DOT1L: variants seen among roughly 807,000 people sequenced by gnomAD.
DOT1L encodes the protein DOT1 like histone lysine methyltransferase.
DOT1L carries 33 observed loss-of-function variants against 153.3 expected under a neutral mutation model. The observed-to-expected ratio is 0.22, with a 90% CI of 0.16 to 0.29. The LOEUF (loss-of-function observed/expected upper bound fraction) is 0.29, where lower values mean the gene tolerates loss of function less well. Ranked by LOEUF, DOT1L falls within the 10% of genes least tolerant of loss-of-function variation. DOT1L has a pLI of 1.00. For synonymous variants in DOT1L, 1,135 were observed against 965.1 expected (o/e 1.18, Z -3.26); for missense variants, 1,847 against 2,119.9 (o/e 0.87, Z 2.53).
intron 19 of DOT1L, 76 bp from the exon 20 acceptor site, chr19:2,216,205 G>A (rs1446896197): frequency 6.7e-6 from 10 of 1,498,050 alleles, no homozygotes; most frequent in Middle Eastern, 1.8e-4. Context: ...CCCTCCGGGT[G>A]TCCATCTGTG....
Position 2,190,976 on chromosome 19 carries a change from T to C in DOT1L, c.265-36T>C. On this transcript the variant is annotated intron_variant, in intron 4 of 27. Transcript: ENST00000398665. The surrounding 1 kb of genome is among the most constrained non-coding windows in gnomAD (Gnocchi z 4.8). ...GTGGTGGAGGGGCTGGGCCGTGAGG[T>C]TTATGTGACATGGCCGGGCCACCCT... 1 of 1,546,930 alleles carries C rather than the reference T, an allele frequency of 6.5e-7. No homozygotes were observed. The highest frequency in any genetic ancestry group is 8.7e-7 in the Non-Finnish European group (1 of 1,147,974).
In DOT1L at chr19:2,191,006, C is replaced by T. The variant is rs2022771257; in HGVS notation, c.265-6C>T. The T allele has an allele frequency of 1.9e-6, 3 of 1,591,618 alleles. No individual in the cohort carries two copies. The highest frequency in any genetic ancestry group is 2.6e-6 in the Non-Finnish European group (3 of 1,172,324). ...GTGACATGGCCGGGCCACCCTCCGT[C>T]CGCAGTGGAAGGGCACCACGCAGCC... On this transcript the variant is annotated splice_region_variant and splice_polypyrimidine_tract_variant and intron_variant, in intron 4 of 27. Coordinates refer to ENST00000398665, the MANE Select transcript of DOT1L (RefSeq NM_032482.3). This position sits in a 1 kb window ranked among gnomAD's most constrained non-coding sequence, Gnocchi z 6.8.
rs1260005757 is a variant in DOT1L at position 2,232,331 on chromosome 19, G to A, written c.*2539G>A. On this transcript the variant is annotated 3_prime_UTR_variant, in exon 28 of 28. Coordinates refer to ENST00000398665, the MANE Select transcript of DOT1L (RefSeq NM_032482.3). Reference sequence around the variant, plus strand: ...GCGTCAGTCTGTTCAGTGGTCAGCAGGCCCCCCACCCCCCGCCGACTGCCC... The same window carrying A: ...GCGTCAGTCTGTTCAGTGGTCAGCAAGCCCCCCACCCCCCGCCGACTGCCC... 4.6e-6 allele frequency: 1 copy of A among 217,446 alleles called. No homozygotes were observed. Among genetic ancestry groups the A allele is most frequent in the Admixed American group, 5.8e-5 (1 of 17,192 alleles). The allele number at this position is 217,446 out of a possible 1,614,324, so 13.5% of individuals were successfully genotyped here.
In DOT1L at chr19:2,217,753, G is replaced by A. The variant is rs771741266; in HGVS notation, c.2545-19G>A. 5.7e-6 allele frequency: 9 copies of A among 1,591,140 alleles called. No homozygotes were observed. The highest frequency in any genetic ancestry group is 3.3e-4 in the Middle Eastern group (2 of 6,038). On this transcript the variant is annotated intron_variant, in intron 21 of 27. Transcript: ENST00000398665. The surrounding 1 kb of genome is among the most constrained non-coding windows in gnomAD (Gnocchi z 7.3). The stretch of plus-strand genomic sequence containing the variant: ...GGGGTTTGTTGACCCACGACTGGGG[G>A]TCGGGCCTTCGTCTGCAGGGCCTGA...
chr19:2,216,790 G>GTCTGCA lies in DOT1L; in HGVS notation c.2408+26_2408+31dup, dbSNP rs759162648. ...GGTGAGTGCCCTGGTGGGGCTGGGG[G>GTCTGCA]TCTGCAGCTGGTACCTGCCGACTCT... On this transcript the variant is annotated intron_variant, in intron 20 of 27. Coordinates refer to ENST00000398665, the MANE Select transcript of DOT1L (RefSeq NM_032482.3). 3.2e-6 allele frequency: 5 copies of GTCTGCA among 1,571,882 alleles called. No homozygotes were observed. The Admixed American group carries it at 5.1e-5, about 16-fold the overall frequency.
chr19:2,194,994 A>C (rs2022956389), intron 7 of DOT1L, among the ~76,000 whole-genome samples: 1 of 152,084 alleles, frequency 6.6e-6, no homozygotes, highest in Non-Finnish European at 1.5e-5. Context: ...ACAAGCCAGC[A>C]ACCTCGGGGT....
chr19:2,187,379 T>C (rs1198188959), intron 3 of DOT1L, among the ~76,000 whole-genome samples: 2 of 152,232 alleles, frequency 1.3e-5, no homozygotes, highest in Non-Finnish European at 2.9e-5. Context: ...TGTGGCGTCC[T>C]TCCTCTTCGC....
intron 27 of DOT1L, chr19:2,227,864 CTCTTCCTTTCAGGCCCCGGCCTCGGTT>C (rs1463126331): frequency 1.6e-6 from 2 of 1,280,784 alleles, no homozygotes; most frequent in Non-Finnish European, 1.0e-6. Context: ...GCGCCTCGGC[CTCTTCCTTTCAGGCCCCGGCCTCGGTT>C]GAGACCCGGC....
rs148899847 is a variant in DOT1L at position 2,184,546 on chromosome 19, G to A, written c.126-1309G>A. On this transcript the variant is annotated intron_variant, in intron 2 of 27. Coordinates refer to ENST00000398665, the MANE Select transcript of DOT1L (RefSeq NM_032482.3). The stretch of plus-strand genomic sequence containing the variant: ...TCAAGAGGACTGGGGAGCAGAGGCC[G>A]AACCCCCATCCCTCCCTGACCCCTC... 2.2e-3 allele frequency among the ~76,000 whole-genome samples: 328 copies of A among 152,216 alleles called. 2 individuals are homozygous for A. Among genetic ancestry groups the A allele is most frequent in the Non-Finnish European group, 3.1e-3 (211 of 68,002 alleles).
chr19:2,193,573 C>A lies in DOT1L; in HGVS notation c.494-116C>A. On this transcript the variant is annotated intron_variant, in intron 5 of 27. Transcript: ENST00000398665. This position sits in a 1 kb window ranked among gnomAD's most constrained non-coding sequence, Gnocchi z 5.9. Reference sequence around the variant, plus strand: ...CATCGGATATGTGTGGAGACTGTGGCCTCCCCTGTGGGTCTTCATGGCCGC... The same window carrying A: ...CATCGGATATGTGTGGAGACTGTGGACTCCCCTGTGGGTCTTCATGGCCGC... 4.5e-6 allele frequency: 4 copies of A among 891,642 alleles called. No individual in the cohort carries two copies. The highest frequency in any genetic ancestry group is 7.0e-6 in the Non-Finnish European group (4 of 567,630). The allele number at this position is 891,642 out of a possible 1,614,324, so 55.2% of individuals were successfully genotyped here. A position where few individuals can be genotyped will look rare whatever the true frequency, so the allele number is the denominator to read the frequency against.
At chr19:2,179,632 AC>A (rs2022132087) in intron 1 of DOT1L, among the ~76,000 whole-genome samples, 1 of 152,040 alleles carries the variant, frequency 6.6e-6, no homozygotes, top group African/African-American at 2.4e-5. Flanking sequence ...ACATGGAGAA[AC>A]CCTGTCTCTA....
In DOT1L at chr19:2,232,123, G is replaced by A. The variant is rs1001237967; in HGVS notation, c.*2331G>A. The A allele has an allele frequency of 7.7e-5, 17 of 220,768 alleles. No homozygotes were observed. The highest frequency in any genetic ancestry group is 2.7e-4 in the African/African-American group (12 of 44,476). The allele number at this position is 220,768 out of a possible 1,614,324, so 13.7% of individuals were successfully genotyped here. ...GTGCTGGCACCTGGCCTGAGTTTCC[G>A]TGGGCAGCTGGCGGGGACCTGTGCT... On this transcript the variant is annotated 3_prime_UTR_variant, in exon 28 of 28. Transcript: ENST00000398665.
chr19:2,201,317 C>G lies in DOT1L; in HGVS notation c.707+1378C>G, dbSNP rs1326730705. ...ATCCTCCCTGTATTCCTCATTCTCC[C>G]TGCATTCCTCGTCCTCCCTGCGCCC... On this transcript the variant is annotated intron_variant, in intron 8 of 27. Transcript: ENST00000398665. Among the ~76,000 whole-genome samples the G allele has an allele frequency of 2.6e-5, 4 of 151,708 alleles. No individual in the cohort carries two copies. In the South Asian group the frequency reaches 8.3e-4, roughly 32 times the overall value.
chr19:2,222,601 A>G lies in DOT1L; in HGVS notation c.3390+42A>G. 2 of 1,494,094 alleles carry G rather than the reference A, an allele frequency of 1.3e-6. No individual in the cohort carries two copies. The highest frequency in any genetic ancestry group is 8.9e-7 in the Non-Finnish European group (1 of 1,126,392). The allele number at this position is 1,494,094 out of a possible 1,614,324, so 92.6% of individuals were successfully genotyped here. ...GCAGGGCTGGGGAGCGCGGCCTGTG[A>G]AAGAAAGACCAGAGGGAGACCGGGC... On this transcript the variant is annotated intron_variant, in intron 24 of 27. Transcript: ENST00000398665. The surrounding 1 kb of genome is among the most constrained non-coding windows in gnomAD (Gnocchi z 6.5).
Position 2,231,476 on chromosome 19 carries a change from G to C in DOT1L, c.*1684G>C, listed in dbSNP as rs986345422. ...GAAGACCCCTGCTTGTGCCTGGTGA[G>C]GGGGGTGCTGCCTCCCCCAGCCCCC... On this transcript the variant is annotated 3_prime_UTR_variant, in exon 28 of 28. Transcript: ENST00000398665. The C allele has an allele frequency of 9.7e-6, 2 of 205,366 alleles. No homozygotes were observed. Among genetic ancestry groups the C allele is most frequent in the African/African-American group, 4.6e-5 (2 of 43,632 alleles). 12.7% of individuals were successfully genotyped at this position (205,366 alleles called of 1,614,324 possible).
rs981196449 is a variant in DOT1L at position 2,191,445 on chromosome 19, A to G, written c.493+205A>G. 1 of 609,040 alleles carries G rather than the reference A, an allele frequency of 1.6e-6. No homozygotes were observed. The highest frequency in any genetic ancestry group is 2.0e-5 in the South Asian group (1 of 50,942). The allele number at this position is 609,040 out of a possible 1,614,324, so 37.7% of individuals were successfully genotyped here. A position where few individuals can be genotyped will look rare whatever the true frequency, so the allele number is the denominator to read the frequency against. ...GCTCCACCCAGAGGGGAGAAATCGC[A>G]GGAACCCAGTGGCTCCCAGACCAGG... On this transcript the variant is annotated intron_variant, in intron 5 of 27. Coordinates refer to ENST00000398665, the MANE Select transcript of DOT1L (RefSeq NM_032482.3). This position sits in a 1 kb window ranked among gnomAD's most constrained non-coding sequence, Gnocchi z 6.8.
At position 2,189,723 on chromosome 19, in the gene DOT1L, C is replaced by T. The variant is rs757442864; in HGVS notation, c.201-9C>T. ...CCGCATGACCAGGGCCTTCCCTTGC[C>T]TTTTTCAGCTTCGAGAGCATGCAGA... On this transcript the variant is annotated splice_polypyrimidine_tract_variant and intron_variant, in intron 3 of 27. Coordinates refer to ENST00000398665, the MANE Select transcript of DOT1L (RefSeq NM_032482.3). The T allele has an allele frequency of 5.6e-6, 9 of 1,610,140 alleles. No individual in the cohort carries two copies. In the South Asian group the frequency reaches 9.9e-5, roughly 18 times the overall value.
In DOT1L at chr19:2,217,212, C is replaced by T; in HGVS notation, c.2544+122C>T. On this transcript the variant is annotated intron_variant, in intron 21 of 27. Transcript: ENST00000398665. The surrounding 1 kb of genome is among the most constrained non-coding windows in gnomAD (Gnocchi z 7.3). The stretch of plus-strand genomic sequence containing the variant: ...GGGCACGGTGAGGTACTGGGGCTGA[C>T]CTGGAGTAGGATGTTGTGGCAGAGT... 4.5e-6 allele frequency: 6 copies of T among 1,338,742 alleles called. No homozygotes were observed. Among genetic ancestry groups the T allele is most frequent in the Non-Finnish European group, 4.9e-6 (5 of 1,014,664 alleles). The allele number at this position is 1,338,742 out of a possible 1,614,324, so 82.9% of individuals were successfully genotyped here.
At chr19:2,170,348 C>T (rs1451908558) in intron 1 of DOT1L, among the ~76,000 whole-genome samples, 1 of 152,126 alleles carries the variant, frequency 6.6e-6, no homozygotes, top group Non-Finnish European at 1.5e-5. Flanking sequence ...CTCTCTGGAC[C>T]TGATGCATTT....
Sources: allele counts gnomAD v4.1 joint callset (sites outside exome capture counted in the v4.1 genomes callset), GRCh38; gene constraint gnomAD v4.1.1; non-coding constraint Gnocchi (gnomAD v3.1); transcripts MANE v1.5; gene names NCBI Gene and HGNC (gene_info 2026-07-23, HGNC 2026-07-21).